GOLGA7: variants seen among roughly 807,000 people sequenced by gnomAD.
The protein encoded by GOLGA7 is golgin A7.
In GOLGA7, 10 loss-of-function variants were observed where a neutral mutation model predicts 21.1. The ratio of observed to expected loss-of-function variants is 0.47; its 90% CI spans 0.29 to 0.80. The LOEUF is 0.80. GOLGA7 is among the 30% of genes least tolerant of loss of function. The pLI, the probability that GOLGA7 is intolerant of heterozygous loss-of-function variation, is 0.08. For missense variants in GOLGA7, 114 were observed against 166.8 expected (o/e 0.68, Z 1.74); for synonymous variants, 64 against 62.6 (o/e 1.02, Z -0.10).
chr8:41,491,078 C>G, intron 1 of GOLGA7, 113 bp downstream of exon 1: 2 of 682,934 alleles, frequency 2.9e-6, no homozygotes, highest in Admixed American at 2.3e-5. Flanking sequence ...CTGGGGAGGT[C>G]CAGGCACAGA....
At position 41,506,003 on chromosome 8, in the gene GOLGA7, A is replaced by G; in HGVS notation, c.357A>G (p.Gly119=). Residue 119 remains glycine (G), a synonymous_variant, in exon 3 of 5, where the codon GGA becomes GGG. Transcript: ENST00000357743. The part of the protein sequence containing the change: ...GLLLTDPIER[G]LRVIEITIYE... The stretch of plus-strand genomic sequence containing the variant: ...TCCTGACAGACCCTATTGAGCGAGG[A>G]CTGCGAGTTGTATCTTTTTAGTTCG... 1 of 1,514,524 alleles carries G rather than the reference A, an allele frequency of 6.6e-7. No individual in the cohort carries two copies. Among genetic ancestry groups the G allele is most frequent in the South Asian group, 1.1e-5 (1 of 87,154 alleles). The allele number at this position is 1,514,524 out of a possible 1,614,324, so 93.8% of individuals were successfully genotyped here. A position where few individuals can be genotyped will look rare whatever the true frequency, so the allele number is the denominator to read the frequency against.
intron 2 of GOLGA7, among the ~76,000 whole-genome samples, chr8:41,503,823 G>A (rs1806208879): frequency 6.8e-6 from 1 of 147,794 alleles, no homozygotes; most frequent in South Asian, 2.1e-4. Flanking sequence ...TAGCCTTGTA[G>A]TATAGTTTGA....
chr8:41,497,787 G>A, intron 2 of GOLGA7, 126 bp downstream of exon 2: 1 of 611,288 alleles, frequency 1.6e-6, no homozygotes, highest in Non-Finnish European at 2.9e-6. Context: ...TTCAAATTGT[G>A]TTGTTCCTGT....
At chr8:41,500,110 G>C (rs1806114859) in intron 2 of GOLGA7, among the ~76,000 whole-genome samples, 1 of 152,326 alleles carries the variant, frequency 6.6e-6, no homozygotes, top group Middle Eastern at 3.4e-3. Flanking sequence ...AAAGTGCTGG[G>C]ACATAACGGA....
At chr8:41,499,875 C>G (rs1806109463) in intron 2 of GOLGA7, among the ~76,000 whole-genome samples, 1 of 152,230 alleles carries the variant, frequency 6.6e-6, no homozygotes, top group African/African-American at 2.4e-5. Flanking sequence ...CAGCACTTCC[C>G]TGCCTGCTTC....
At chr8:41,508,415 A>G (rs944617952) in intron 4 of GOLGA7, among the ~76,000 whole-genome samples, 1 of 152,290 alleles carries the variant, frequency 6.6e-6, no homozygotes, top group Admixed American at 6.5e-5. Flanking sequence ...ATCCTCTGCC[A>G]TATGTTGTAT....
intron 1 of GOLGA7, among the ~76,000 whole-genome samples, chr8:41,494,524 G>T (rs757802353): frequency 1.3e-5 from 2 of 152,154 alleles, no homozygotes; most frequent in Non-Finnish European, 2.9e-5. Flanking sequence ...AGGCATTAAC[G>T]TAGGCATAAT....
At chr8:41,492,295 G>T (rs1436588176) in intron 1 of GOLGA7, among the ~76,000 whole-genome samples, 1 of 152,258 alleles carries the variant, frequency 6.6e-6, no homozygotes, top group Non-Finnish European at 1.5e-5. Flanking sequence ...CAAGTGGCCA[G>T]TTGGGTAGAG....
intron 3 of GOLGA7, 91 bp downstream of exon 3, chr8:41,506,103 C>A (rs1806281098): frequency 6.0e-6 from 4 of 661,890 alleles, no homozygotes; most frequent in Non-Finnish European, 1.0e-5. Context: ...ATTTAACTCT[C>A]ATCCTGTATT....
At chr8:41,507,924 CAT>C (rs759900104) in intron 4 of GOLGA7, among the ~76,000 whole-genome samples, 12 of 152,200 alleles carry the variant, frequency 7.9e-5, no homozygotes, top group Non-Finnish European at 1.5e-4. Context: ...AAAGCAGACA[CAT>C]GTCTTCCTAG....
rs1394298836 is a variant in GOLGA7 at position 41,510,053 on chromosome 8, C to G, written c.*485C>G. ...GGATTTTGGTGAGGGTTGGCTGTGG[C>G]TGTCGTTTTGCACCTCCCAGATTTC... On this transcript the variant is annotated 3_prime_UTR_variant, in exon 5 of 5. Coordinates refer to ENST00000357743, the MANE Select transcript of GOLGA7 (RefSeq NM_001002296.2). 6.6e-6 allele frequency: 1 copy of G among 152,504 alleles called. No individual in the cohort carries two copies. The highest frequency in any genetic ancestry group is 2.4e-5 in the African/African-American group (1 of 41,412). The allele number at this position is 152,504 out of a possible 1,614,324, so 9.4% of individuals were successfully genotyped here. A position where few individuals can be genotyped will look rare whatever the true frequency, so the allele number is the denominator to read the frequency against.
chr8:41,494,577 CCT>C (rs1467375421), intron 1 of GOLGA7, among the ~76,000 whole-genome samples: 1 of 152,144 alleles, frequency 6.6e-6, no homozygotes, highest in Non-Finnish European at 1.5e-5. Flanking sequence ...GCTGAGCTCT[CCT>C]CAGTCTGTTT....
intron 1 of GOLGA7, among the ~76,000 whole-genome samples, chr8:41,497,186 A>G (rs143890398): frequency 6.6e-6 from 1 of 151,816 alleles, no homozygotes; most frequent in African/African-American, 2.4e-5. Flanking sequence ...ACAGTGCTTT[A>G]TCTTGAGATT....
chr8:41,502,104 G>A (rs1030927463), intron 2 of GOLGA7, among the ~76,000 whole-genome samples: 3 of 152,190 alleles, frequency 2.0e-5, no homozygotes, highest in Non-Finnish European at 4.4e-5. Flanking sequence ...AACTGAACAT[G>A]GATAATTAGA....
chr8:41,495,934 G>A (rs185467239), intron 1 of GOLGA7, among the ~76,000 whole-genome samples: 29 of 152,278 alleles, frequency 1.9e-4, no homozygotes, highest in African/African-American at 6.5e-4. Context: ...ATGATTGAGT[G>A]AAACAATGGA....
At chr8:41,491,043 C>T in intron 1 of GOLGA7, 78 bp downstream of exon 1, 1 of 875,534 alleles carries the variant, frequency 1.1e-6, no homozygotes. Flanking sequence ...TGGGCGACAA[C>T]CGGGCCTTTG....
intron 4 of GOLGA7, among the ~76,000 whole-genome samples, chr8:41,507,398 G>A (rs910724709): frequency 1.3e-5 from 2 of 152,064 alleles, no homozygotes; most frequent in Non-Finnish European, 2.9e-5. Context: ...AATGGGGGAT[G>A]GCAGTTACTT....
At chr8:41,501,308 A>T (rs1585601383) in intron 2 of GOLGA7, among the ~76,000 whole-genome samples, 2 of 143,672 alleles carry the variant, frequency 1.4e-5, no homozygotes, top group African/African-American at 2.5e-5. Context: ...CTTGAGGTCG[A>T]TTTTTTTTTT....
intron 2 of GOLGA7, 128 bp downstream of exon 2, chr8:41,497,789 T>C (rs1246840692): frequency 8.2e-6 from 5 of 608,824 alleles, no homozygotes; most frequent in Non-Finnish European, 1.2e-5. Context: ...CAAATTGTGT[T>C]GTTCCTGTGT....
Sources: allele counts gnomAD v4.1 joint callset (sites outside exome capture counted in the v4.1 genomes callset), GRCh38; gene constraint gnomAD v4.1.1; transcripts MANE v1.5; gene names NCBI Gene and HGNC (gene_info 2026-07-23, HGNC 2026-07-21).